Variants in LIN52 observed in about 807,000 individuals in gnomAD.
The protein encoded by LIN52 is lin-52 DREAM MuvB core complex component.
In LIN52, 4 loss-of-function variants were observed where a neutral mutation model predicts 18.5. That is an observed-to-expected ratio of 0.22 (90% CI 0.11 to 0.49). The LOEUF (loss-of-function observed/expected upper bound fraction) is 0.49, where lower values mean the gene tolerates loss of function less well. Ranked by LOEUF, LIN52 falls within the 20% of genes least tolerant of loss-of-function variation. The pLI is 0.97. For missense variants in LIN52, 102 were observed against 139.5 expected (o/e 0.73, Z 1.35); for synonymous variants, 34 against 45.5 (o/e 0.75, Z 1.02).
chr14:74,124,833 A>AAAAAT (rs1176711289), intron 5 of LIN52, among the ~76,000 whole-genome samples: 2 of 147,834 alleles, frequency 1.4e-5, no homozygotes, highest in East Asian at 1.9e-4. Flanking sequence ...AAAAAAAAAA[A>AAAAAT]GCTGAGAGGC....
chr14:74,102,441 T>C (rs924634708), intron 5 of LIN52, among the ~76,000 whole-genome samples: 7 of 152,362 alleles, frequency 4.6e-5, no homozygotes, highest in African/African-American at 1.7e-4. Flanking sequence ...TTAGCTGCTC[T>C]GCTAAGTTCA....
chr14:74,106,011 A>G (rs1566848685), intron 5 of LIN52, among the ~76,000 whole-genome samples: 1 of 152,206 alleles, frequency 6.6e-6, no homozygotes, highest in South Asian at 2.1e-4. Flanking sequence ...AACTTTTCTT[A>G]TAGGGATTTA....
At chr14:74,138,241 C>T (rs1468013219) in intron 5 of LIN52, among the ~76,000 whole-genome samples, 1 of 152,128 alleles carries the variant, frequency 6.6e-6, no homozygotes, top group Non-Finnish European at 1.5e-5. Context: ...CCAGGGAACA[C>T]CTCTTGGAAG....
chr14:74,183,100 TC>T (rs1428595529), intron 5 of LIN52, among the ~76,000 whole-genome samples: 2 of 89,640 alleles, frequency 2.2e-5, no homozygotes, highest in Non-Finnish European at 5.5e-5. Flanking sequence ...TCTCTCTCTC[TC>T]TCTTTTTTTT....
intron 5 of LIN52, among the ~76,000 whole-genome samples, chr14:74,119,166 T>C (rs1258028789): frequency 7.5e-5 from 11 of 147,418 alleles, no homozygotes; most frequent in African/African-American, 2.5e-4. Context: ...CTTTCTTTTT[T>C]TTTTTTTTTT....
intron 5 of LIN52, among the ~76,000 whole-genome samples, chr14:74,187,276 A>G (rs1294651646): frequency 6.6e-6 from 1 of 152,210 alleles, no homozygotes; most frequent in Non-Finnish European, 1.5e-5. Flanking sequence ...ATGCCAGATA[A>G]GATAAAAACC....
chr14:74,194,791 G>T (rs369177474), intron 5 of LIN52, among the ~76,000 whole-genome samples: 1 of 152,166 alleles, frequency 6.6e-6, no homozygotes, highest in Non-Finnish European at 1.5e-5. Context: ...TATTAGAATG[G>T]AAGCGGTGTT....
intron 5 of LIN52, among the ~76,000 whole-genome samples, chr14:74,185,768 ATTTATT>A (rs994107217): frequency 4.0e-5 from 6 of 151,804 alleles, no homozygotes; most frequent in African/African-American, 1.5e-4. Context: ...TCATTTATTT[ATTTATT>A]TTTGAGACAG....
intron 5 of LIN52, among the ~76,000 whole-genome samples, chr14:74,186,483 T>A (rs1267047142): frequency 6.6e-6 from 1 of 150,620 alleles, no homozygotes; most frequent in East Asian, 2.0e-4. Context: ...CAAAGTTAAT[T>A]TCAAGGCCAG....
chr14:74,125,896 G>C (rs1340734283), intron 5 of LIN52, among the ~76,000 whole-genome samples: 1 of 123,638 alleles, frequency 8.1e-6, no homozygotes, highest in Non-Finnish European at 1.7e-5. Context: ...TGTGGGGTGG[G>C]GGGAGGGGGG....
chr14:74,150,057 A>G (rs2061170044), intron 5 of LIN52, among the ~76,000 whole-genome samples: 1 of 152,196 alleles, frequency 6.6e-6, no homozygotes, highest in Non-Finnish European at 1.5e-5. Context: ...GAGGCTTTAA[A>G]TGGCAAGTGA....
intron 5 of LIN52, among the ~76,000 whole-genome samples, chr14:74,123,653 C>CTT (rs1279859317): frequency 6.6e-6 from 1 of 152,174 alleles, no homozygotes; most frequent in Non-Finnish European, 1.5e-5. Context: ...TAGGCACCCT[C>CTT]TAAGACGGTC....
chr14:74,198,794 T>C (rs2078930070), intron 5 of LIN52, 128 bp from the exon 6 acceptor site: 12 of 701,322 alleles, frequency 1.7e-5, no homozygotes, highest in South Asian at 1.6e-4. Flanking sequence ...TTGGTGATGA[T>C]TGAATCTGTT....
chr14:74,137,787 C>T (rs549915106), intron 5 of LIN52, among the ~76,000 whole-genome samples: 49 of 152,142 alleles, frequency 3.2e-4, no homozygotes, highest in Non-Finnish European at 5.9e-4. Context: ...CATGAGCCAC[C>T]GCGCCTGGCC....
chr14:74,172,674 A>G (rs2061276797), intron 5 of LIN52, among the ~76,000 whole-genome samples: 1 of 152,236 alleles, frequency 6.6e-6, no homozygotes. Context: ...GAAGTATAAC[A>G]TCAAGACAGC....
At chr14:74,175,500 C>T (rs957482580) in intron 5 of LIN52, among the ~76,000 whole-genome samples, 1 of 150,678 alleles carries the variant, frequency 6.6e-6, no homozygotes, top group African/African-American at 2.4e-5. Context: ...CAAGACCAGC[C>T]TGGGCAATAT....
intron 5 of LIN52, among the ~76,000 whole-genome samples, chr14:74,181,664 C>T (rs913664353): frequency 1.3e-5 from 2 of 151,964 alleles, no homozygotes; most frequent in African/African-American, 4.8e-5. Flanking sequence ...GACTATTATA[C>T]TCAATATAAT....
chr14:74,116,286 GA>G (rs2139913642), intron 5 of LIN52, among the ~76,000 whole-genome samples: 1 of 151,454 alleles, frequency 6.6e-6, no homozygotes, highest in East Asian at 2.0e-4. Flanking sequence ...CTGGGCAACA[GA>G]GTGAGACTCT....
At chr14:74,198,814 A>G (rs373546473) in intron 5 of LIN52, 108 bp from the exon 6 acceptor site, 1 of 830,948 alleles carries the variant, frequency 1.2e-6, no homozygotes, top group Non-Finnish European at 2.0e-6. Context: ...TGTGATAGCA[A>G]CTTGATATAT....
Sources: allele counts gnomAD v4.1 joint callset (sites outside exome capture counted in the v4.1 genomes callset), GRCh38; gene constraint gnomAD v4.1.1; transcripts MANE v1.5; gene names NCBI Gene and HGNC (gene_info 2026-07-23, HGNC 2026-07-21).